Variants in TPX2 observed in about 807,000 individuals in gnomAD.
TPX2 encodes the protein TPX2 microtubule nucleation factor.
In TPX2, 21 loss-of-function variants were observed where a neutral mutation model predicts 93.6. That is an observed-to-expected ratio of 0.22 (90% CI 0.16 to 0.32). The LOEUF (loss-of-function observed/expected upper bound fraction) is 0.32, where lower values mean the gene tolerates loss of function less well. TPX2 is among the 10% of genes least tolerant of loss of function. The pLI is 1.00. For synonymous variants in TPX2, 281 were observed against 298.3 expected, an observed-to-expected ratio of 0.94 and a Z score of 0.60; for missense variants, 776 against 871.1, an observed-to-expected ratio of 0.89 and a Z score of 1.37.
chr20:31,755,935 T>C (rs955230190), intron 2 of TPX2, among the ~76,000 whole-genome samples: 1 of 152,180 alleles, frequency 6.6e-6, no homozygotes, highest in Non-Finnish European at 1.5e-5. Context: ...AGTGCAAAAC[T>C]TCGTACGCAG....
At chr20:31,785,566 C>T (rs1050883615) in intron 12 of TPX2, among the ~76,000 whole-genome samples, 4 of 151,256 alleles carry the variant, frequency 2.6e-5, no homozygotes, top group African/African-American at 4.9e-5. Context: ...GGCGTGATCT[C>T]GGCTCATGGC....
chr20:31,745,614 C>T (rs566174306), intron 2 of TPX2, among the ~76,000 whole-genome samples: 2 of 152,324 alleles, frequency 1.3e-5, no homozygotes, highest in Admixed American at 6.5e-5. Flanking sequence ...AGGCATGAGC[C>T]ATCTAATAAA....
intron 12 of TPX2, among the ~76,000 whole-genome samples, chr20:31,788,417 C>CAA (rs11356550): frequency 0.031 from 2,150 of 68,302 alleles, 108 homozygotes; most frequent in African/African-American, 0.1. Flanking sequence ...GACTCTGTCT[C>CAA]AAAAAAAAAA....
At chr20:31,788,809 AGT>A (rs1324197072) in intron 12 of TPX2, among the ~76,000 whole-genome samples, 7 of 152,332 alleles carry the variant, frequency 4.6e-5, no homozygotes, top group African/African-American at 1.7e-4. Context: ...ATGTGGTGTC[AGT>A]GAGACCAGTG....
At chr20:31,747,208 C>T (rs1191156914) in intron 2 of TPX2, among the ~76,000 whole-genome samples, 6 of 152,150 alleles carry the variant, frequency 3.9e-5, no homozygotes, top group African/African-American at 1.4e-4. Flanking sequence ...GCAGCCTCCA[C>T]CTCCTGGGTT....
intron 8 of TPX2, 43 bp downstream of exon 8, chr20:31,776,031 C>G (rs1175025257): frequency 3.5e-6 from 2 of 568,824 alleles, no homozygotes; most frequent in Non-Finnish European, 5.0e-6. Flanking sequence ...AGGGGTGGTT[C>G]TTAACACTCT....
At chr20:31,785,232 G>A (rs140008389) in intron 12 of TPX2, among the ~76,000 whole-genome samples, 50 of 151,156 alleles carry the variant, frequency 3.3e-4, no homozygotes, top group African/African-American at 1.1e-3. Context: ...TATATGCCAA[G>A]CTCTGTTACA....
At chr20:31,752,613 CTTTT>C (rs937819895) in intron 2 of TPX2, among the ~76,000 whole-genome samples, 2 of 151,890 alleles carry the variant, frequency 1.3e-5, no homozygotes, top group African/African-American at 2.4e-5. Context: ...ACTACATCTA[CTTTT>C]TTTTCTTTTT....
At chr20:31,780,052 G>A (rs1355583940) in intron 10 of TPX2, among the ~76,000 whole-genome samples, 1 of 152,106 alleles carries the variant, frequency 6.6e-6, no homozygotes, top group East Asian at 1.9e-4. Context: ...CCTTGCATAG[G>A]CATTTTTTTT....
rs969431981 is a variant in TPX2, at chr20:31,776,063, T to G, written c.730+75T>G. ...CTCTTGGTAGGTGTTTTTTTTTTTT[T>G]TTTTTTTTTTTTTTTTTTTTTTTTT... On this transcript the variant is annotated intron_variant, in intron 8 of 17. Transcript: ENST00000300403. 4.6e-3 allele frequency: 2,208 copies of G among 479,196 alleles called. 21 individuals carry two copies. In the African/African-American group the frequency reaches 0.19, roughly 42 times the overall value. 29.7% of individuals were successfully genotyped at this position (479,196 alleles called of 1,614,324 possible).
intron 2 of TPX2, among the ~76,000 whole-genome samples, chr20:31,744,865 T>C (rs1041940308): frequency 1.5e-4 from 23 of 152,152 alleles, no homozygotes; most frequent in Non-Finnish European, 2.6e-4. Context: ...GGCGGGCAGA[T>C]CACCTGAGGT....
At chr20:31,750,162 C>CTT (rs767712530) in intron 2 of TPX2, among the ~76,000 whole-genome samples, 1 of 137,656 alleles carries the variant, frequency 7.3e-6, no homozygotes, top group Non-Finnish European at 1.6e-5. Flanking sequence ...GTCTCGATTT[C>CTT]TTTTTTTTTT....
chr20:31,777,709 G>T (rs1353260709), intron 9 of TPX2, 71 bp downstream of exon 9: 1 of 1,524,694 alleles, frequency 6.6e-7, no homozygotes, highest in East Asian at 2.3e-5. Context: ...AGCATTTGTG[G>T]TCACTGTTTA....
chr20:31,762,798 G>A (rs1192922153), intron 4 of TPX2, among the ~76,000 whole-genome samples: 1 of 151,842 alleles, frequency 6.6e-6, no homozygotes, highest in Non-Finnish European at 1.5e-5. Context: ...ACCATTTTTT[G>A]ATTTTTCAAA....
intron 10 of TPX2, among the ~76,000 whole-genome samples, chr20:31,781,390 C>T (rs1057143803): frequency 3.3e-5 from 5 of 151,548 alleles, no homozygotes; most frequent in Admixed American, 6.6e-5. Context: ...CTCAGCCTCC[C>T]GAGTAGCTGA....
chr20:31,761,675 A>G (rs1370942057), intron 4 of TPX2, among the ~76,000 whole-genome samples: 3 of 152,188 alleles, frequency 2.0e-5, no homozygotes, highest in African/African-American at 7.2e-5. Flanking sequence ...AGTTGATTCC[A>G]TATCTTGACT....
chr20:31,794,788 G>GTGTGTGTGTA (rs935841724), intron 15 of TPX2, among the ~76,000 whole-genome samples: 1 of 150,866 alleles, frequency 6.6e-6, no homozygotes, highest in Non-Finnish European at 1.5e-5. Context: ...GTGTGTGTGT[G>GTGTGTGTGTA]TGTATGTGTG....
Position 31,753,774 on chromosome 20 carries a change from C to T in TPX2, c.-70-3633C>T, listed in dbSNP as rs560322712. On this transcript the variant is annotated intron_variant, in intron 2 of 17. Transcript: ENST00000300403. ...GGTGCGGTTGCTCATGCCTGTAATC[C>T]CAGCACTTTGGGTGGCCGAGGCAGG... 2.0e-5 allele frequency among the ~76,000 whole-genome samples: 3 copies of T among 152,152 alleles called. No homozygotes were observed. In the South Asian group the frequency reaches 6.2e-4, roughly 32 times the overall value.
At chr20:31,761,618 A>G (rs2061891621) in intron 4 of TPX2, among the ~76,000 whole-genome samples, 1 of 152,150 alleles carries the variant, frequency 6.6e-6, no homozygotes, top group Non-Finnish European at 1.5e-5. Flanking sequence ...ATTCCATTGT[A>G]TATATATATG....
Sources: gnomAD v4.1 joint callset for allele counts (sites outside exome capture counted in the v4.1 genomes callset) on GRCh38, gnomAD v4.1.1 for gene constraint, MANE v1.5 for transcripts, NCBI Gene and HGNC (gene_info 2026-07-23, HGNC 2026-07-21) for gene names.